Variants in DLGAP2 observed in about 807,000 individuals in gnomAD.
DLGAP2 encodes DLG associated protein 2.
In DLGAP2, 26 loss-of-function variants were observed where a neutral mutation model predicts 100.3. The ratio of observed to expected loss-of-function variants is 0.26; its 90% CI spans 0.19 to 0.36. DLGAP2 has a LOEUF of 0.36. Ranked by LOEUF, DLGAP2 falls within the 10% of genes least tolerant of loss-of-function variation. The pLI is 1.00. For missense variants in DLGAP2, 1,858 were observed against 1,453.2 expected, an observed-to-expected ratio of 1.28 and a Z score of -4.53; for synonymous variants, 886 against 630.1, an observed-to-expected ratio of 1.41 and a Z score of -6.08.
intron 2 of DLGAP2, among the ~76,000 whole-genome samples, chr8:1,256,214 C>G (rs1245864895): frequency 1.6e-4 from 18 of 111,872 alleles, no homozygotes; most frequent in African/African-American, 6.1e-4. Flanking sequence ...TGCCCGGGTG[C>G]TGTGTGTGTG....
At chr8:1,376,406 C>T (rs1204196336) in intron 3 of DLGAP2, among the ~76,000 whole-genome samples, 1 of 152,240 alleles carries the variant, frequency 6.6e-6, no homozygotes, top group Non-Finnish European at 1.5e-5. Context: ...TGAAAAGCGC[C>T]CCGCTGCATG....
chr8:1,058,646 A>G (rs532488200), intron 2 of DLGAP2, among the ~76,000 whole-genome samples: 76 of 152,334 alleles, frequency 5.0e-4, no homozygotes, highest in African/African-American at 1.7e-3. Flanking sequence ...CTAGCCATCT[A>G]CCAAGTAGGT....
chr8:1,270,539 C>G (rs1799560315), intron 3 of DLGAP2, among the ~76,000 whole-genome samples: 1 of 152,198 alleles, frequency 6.6e-6, no homozygotes. Context: ...AGAGTCAGGC[C>G]AGGAAGCAGG....
At chr8:1,214,618 T>A (rs1322303079) in intron 2 of DLGAP2, among the ~76,000 whole-genome samples, 3 of 152,260 alleles carry the variant, frequency 2.0e-5, no homozygotes, top group Non-Finnish European at 4.4e-5. Context: ...ATTGATCATG[T>A]GTCTGCTTCT....
chr8:1,642,214 C>G (rs71499028), intron 8 of DLGAP2, among the ~76,000 whole-genome samples: 1 of 52,200 alleles, frequency 1.9e-5, no homozygotes. Flanking sequence ...GTGTCACCCT[C>G]GACCCCGCCG....
rs535750846 is a variant in DLGAP2, at chr8:1,105,526, C to A, written c.74-153325C>A. ...AGCCATGCTGAGCGGGGGTCTGTGC[C>A]TGAGTGACAAGGTAGGAGCTTCCTG... On this transcript the variant is annotated intron_variant, in intron 2 of 14. Coordinates refer to ENST00000637795, the MANE Select transcript of DLGAP2 (RefSeq NM_001346810.2). 2.6e-5 allele frequency among the ~76,000 whole-genome samples: 4 copies of A among 151,480 alleles called. No homozygotes were observed. The South Asian group carries it at 8.3e-4, about 32-fold the overall frequency.
At chr8:842,310 G>A (rs559166771) in intron 1 of DLGAP2, among the ~76,000 whole-genome samples, 2 of 152,254 alleles carry the variant, frequency 1.3e-5, no homozygotes, top group Admixed American at 1.3e-4. Flanking sequence ...CTTTATACCT[G>A]AAGACCAGGT....
chr8:1,557,629 G>A (rs1398058512), intron 5 of DLGAP2, among the ~76,000 whole-genome samples: 2 of 152,164 alleles, frequency 1.3e-5, no homozygotes, highest in Non-Finnish European at 2.9e-5. Context: ...CACCCGGGGG[G>A]CGTGTAAAGG....
At chr8:1,104,110 A>G (rs1418375856) in intron 2 of DLGAP2, among the ~76,000 whole-genome samples, 5 of 152,188 alleles carry the variant, frequency 3.3e-5, no homozygotes, top group African/African-American at 7.2e-5. Flanking sequence ...CCTTCATGCC[A>G]AGGCAGAGGG....
intron 1 of DLGAP2, among the ~76,000 whole-genome samples, chr8:798,845 T>C (rs1228202856): frequency 6.7e-6 from 1 of 150,282 alleles, no homozygotes; most frequent in Non-Finnish European, 1.5e-5. Context: ...AAGCAAACGC[T>C]TGTTGAGTCA....
chr8:1,266,580 C>T (rs1216363152), intron 3 of DLGAP2, among the ~76,000 whole-genome samples: 1 of 152,170 alleles, frequency 6.6e-6, no homozygotes, highest in Non-Finnish European at 1.5e-5. Context: ...ATAATCTTGC[C>T]CCTACTGGTC....
intron 3 of DLGAP2, among the ~76,000 whole-genome samples, chr8:1,448,669 C>G (rs1226441463): frequency 1.3e-5 from 2 of 152,140 alleles, no homozygotes; most frequent in South Asian, 2.1e-4. Context: ...AAATTTAATA[C>G]TTCTGAGCAA....
chr8:962,872 G>A (rs915022740), intron 2 of DLGAP2, among the ~76,000 whole-genome samples: 5 of 152,182 alleles, frequency 3.3e-5, no homozygotes, highest in African/African-American at 1.2e-4. Flanking sequence ...TCCATCTGTG[G>A]GTGGCTTTCA....
intron 1 of DLGAP2, among the ~76,000 whole-genome samples, chr8:862,591 C>T (rs553565619): frequency 2.6e-5 from 4 of 152,172 alleles, no homozygotes; most frequent in Non-Finnish European, 5.9e-5. Flanking sequence ...CCTCGCCTGG[C>T]CAGACTCCAG....
chr8:1,602,129 T>G (rs770137739), intron 6 of DLGAP2, among the ~76,000 whole-genome samples: 12 of 152,112 alleles, frequency 7.9e-5, no homozygotes, highest in Non-Finnish European at 1.6e-4. Context: ...AGAGAGTGAG[T>G]GAATGTATAT....
intron 3 of DLGAP2, among the ~76,000 whole-genome samples, chr8:1,378,728 C>T (rs558225240): frequency 2.2e-4 from 33 of 152,362 alleles, no homozygotes; most frequent in African/African-American, 7.7e-4. Context: ...GAAAGTCACA[C>T]GTTTTGCTTT....
At chr8:1,139,054 T>C (rs916092517) in intron 2 of DLGAP2, among the ~76,000 whole-genome samples, 5 of 152,272 alleles carry the variant, frequency 3.3e-5, no homozygotes, top group Admixed American at 3.3e-4. Context: ...GAAGGAACTT[T>C]TGAAATTGCT....
At chr8:1,296,829 A>G (rs1306315829) in intron 3 of DLGAP2, among the ~76,000 whole-genome samples, 3 of 152,206 alleles carry the variant, frequency 2.0e-5, no homozygotes, top group Non-Finnish European at 4.4e-5. Context: ...GCGGCCCCCG[A>G]ACCACACAGG....
At chr8:1,088,662 G>A (rs191126753) in intron 2 of DLGAP2, among the ~76,000 whole-genome samples, 1,404 of 111,930 alleles carry the variant, frequency 0.013, 17 homozygotes, top group African/African-American at 0.044. Context: ...CACCCCTCAT[G>A]CAGCAGGCTA....
Sources: allele counts gnomAD v4.1 joint callset (sites outside exome capture counted in the v4.1 genomes callset), GRCh38; gene constraint gnomAD v4.1.1; transcripts MANE v1.5; gene names NCBI Gene and HGNC (gene_info 2026-07-23, HGNC 2026-07-21).